Variants in TANK observed in about 807,000 individuals in gnomAD.
TANK encodes the protein TRAF family member associated NFKB activator, also known as TRAF family member-associated NF-kappa-B activator.
Under a neutral mutation model 43.6 loss-of-function variants are expected in TANK, and 15 were observed. That is an observed-to-expected ratio of 0.34 (90% confidence interval 0.23 to 0.53). The LOEUF (loss-of-function observed/expected upper bound fraction) is 0.53. TANK is among the 20% of genes least tolerant of loss of function. TANK has a pLI of 0.94. For missense variants in TANK, 417 were observed against 498.6 expected, an observed-to-expected ratio of 0.84 and a Z score of 1.56; for synonymous variants, 162 against 178.2, an observed-to-expected ratio of 0.91 and a Z score of 0.73.
At chr2:161,140,090 C>G in intron 1 of TANK, 4 of 247,868 alleles carry the variant, frequency 1.6e-5, no homozygotes, top group Non-Finnish European at 2.6e-5. Context: ...GAACATATCA[C>G]TGATAGGTTT....
At chr2:161,188,900 G>A (rs1685789076) in intron 2 of TANK, among the ~76,000 whole-genome samples, 1 of 152,184 alleles carries the variant, frequency 6.6e-6, no homozygotes, top group African/African-American at 2.4e-5. Flanking sequence ...AAAACTGTCA[G>A]TTTGGCTGCT....
chr2:161,150,623 G>T (rs1684050113), intron 1 of TANK, among the ~76,000 whole-genome samples: 1 of 132,580 alleles, frequency 7.5e-6, no homozygotes, highest in Admixed American at 8.0e-5. Context: ...TTGAGATGGA[G>T]TCTTACTCTG....
At chr2:161,220,092 G>A (rs898992301) in intron 4 of TANK, among the ~76,000 whole-genome samples, 1 of 152,142 alleles carries the variant, frequency 6.6e-6, no homozygotes, top group Non-Finnish European at 1.5e-5. Context: ...ACACTCAGTT[G>A]CCTAAGCTAG....
At chr2:161,190,672 A>T (rs1340909897) in intron 2 of TANK, among the ~76,000 whole-genome samples, 1 of 152,200 alleles carries the variant, frequency 6.6e-6, no homozygotes, top group South Asian at 2.1e-4. Context: ...AACCTTGGAG[A>T]TGTTATGCTA....
At chr2:161,232,596 T>C (rs1274349052) in intron 7 of TANK, 4 of 1,007,174 alleles carry the variant, frequency 4.0e-6, no homozygotes, top group Non-Finnish European at 5.5e-6. Context: ...ATAGTCTCAG[T>C]TATAGTTGCT....
chr2:161,226,913 G>A (rs1220456595), intron 6 of TANK: 5 of 152,268 alleles, frequency 3.3e-5, no homozygotes, highest in South Asian at 2.1e-4. Flanking sequence ...AATATACAAC[G>A]TGATTATACT....
At chr2:161,166,600 G>C (rs142552363) in intron 1 of TANK, among the ~76,000 whole-genome samples, 124 of 152,210 alleles carry the variant, frequency 8.1e-4, no homozygotes, top group African/African-American at 2.9e-3. Flanking sequence ...TGGGTGAGAA[G>C]GCAAGCATGT....
At chr2:161,149,046 T>C (rs1248015496) in intron 1 of TANK, among the ~76,000 whole-genome samples, 2 of 152,156 alleles carry the variant, frequency 1.3e-5, no homozygotes, top group Admixed American at 6.5e-5. Flanking sequence ...GAAATTTCAA[T>C]AGCAATTGCA....
chr2:161,212,607 T>C (rs372471852), intron 4 of TANK: 29 of 985,410 alleles, frequency 2.9e-5, no homozygotes, highest in Middle Eastern at 5.2e-4. Context: ...CTAAATTGTC[T>C]TTCCTAACTT....
At chr2:161,148,676 T>C (rs902370819) in intron 1 of TANK, among the ~76,000 whole-genome samples, 3 of 152,176 alleles carry the variant, frequency 2.0e-5, no homozygotes, top group Admixed American at 6.5e-5. Context: ...AATTGATCGA[T>C]TGGGAGTTAA....
chr2:161,172,145 A>T (rs1242554520), intron 1 of TANK, among the ~76,000 whole-genome samples: 1 of 152,206 alleles, frequency 6.6e-6, no homozygotes, highest in Non-Finnish European at 1.5e-5. Context: ...GTCTTTTTAC[A>T]TAAAATAACA....
intron 4 of TANK, among the ~76,000 whole-genome samples, chr2:161,219,254 T>C (rs1392560224): frequency 6.6e-6 from 1 of 152,230 alleles, no homozygotes; most frequent in African/African-American, 2.4e-5. Flanking sequence ...TAGCATTGAA[T>C]CAGTAGAGAT....
chr2:161,201,227 C>T (rs186773888), intron 2 of TANK: 27 of 978,650 alleles, frequency 2.8e-5, no homozygotes, highest in Non-Finnish European at 3.2e-5. Flanking sequence ...GTAGTTAAAA[C>T]TTCAATTTGA....
At chr2:161,175,240 A>G (rs1472983128) in intron 1 of TANK, among the ~76,000 whole-genome samples, 1 of 152,182 alleles carries the variant, frequency 6.6e-6, no homozygotes, top group Non-Finnish European at 1.5e-5. Flanking sequence ...TTTATCAAAT[A>G]AGCATATTGA....
chr2:161,176,443 G>A (rs1206117484), intron 1 of TANK, among the ~76,000 whole-genome samples: 1 of 152,080 alleles, frequency 6.6e-6, no homozygotes, highest in Admixed American at 6.6e-5. Flanking sequence ...TCAGGAAATA[G>A]GATGCATCCG....
intron 4 of TANK, among the ~76,000 whole-genome samples, chr2:161,221,236 A>T (rs1687326670): frequency 1.3e-5 from 2 of 152,206 alleles, no homozygotes. Context: ...TTATGATGTT[A>T]AGTATTTTAA....
intron 4 of TANK, among the ~76,000 whole-genome samples, chr2:161,211,534 A>C (rs1314114135): frequency 3.3e-5 from 5 of 152,258 alleles, no homozygotes. Flanking sequence ...AAAGCTAAAA[A>C]TTAGGCCGTT....
At chr2:161,228,395 G>A (rs1413420118) in intron 6 of TANK, among the ~76,000 whole-genome samples, 2 of 152,178 alleles carry the variant, frequency 1.3e-5, no homozygotes, top group Non-Finnish European at 2.9e-5. Flanking sequence ...GCCGGGCGTG[G>A]TGACGCATGC....
At chr2:161,180,818 C>G (rs2105297551) in intron 2 of TANK, among the ~76,000 whole-genome samples, 1 of 151,986 alleles carries the variant, frequency 6.6e-6, no homozygotes, top group Non-Finnish European at 1.5e-5. Context: ...GTTGTTCAGC[C>G]TTCCTATACA....
Sources: gnomAD v4.1 joint callset for allele counts (sites outside exome capture counted in the v4.1 genomes callset) on GRCh38, gnomAD v4.1.1 for gene constraint, MANE v1.5 for transcripts, NCBI Gene and HGNC (gene_info 2026-07-23, HGNC 2026-07-21) for gene names.